The following KCNAB1 variants were observed in gnomAD, a reference collection of about 807,000 sequenced individuals.
KCNAB1 encodes the protein potassium voltage-gated channel subfamily A regulatory beta subunit 1, also known as voltage-gated potassium channel subunit beta-1.
Under a neutral mutation model 64.6 loss-of-function variants are expected in KCNAB1, and 35 were observed. The ratio of observed to expected loss-of-function variants is 0.54; its 90% CI spans 0.41 to 0.72. KCNAB1 has a LOEUF of 0.72. Among genes scored for constraint, KCNAB1 ranks in the 30% least tolerant of loss-of-function variants. The pLI is 0.00. For missense variants in KCNAB1, 401 were observed against 512.9 expected (o/e 0.78, Z 2.11); for synonymous variants, 177 against 183.8 (o/e 0.96, Z 0.30).
At chr3:156,524,516 G>C (rs1487932520) in intron 12 of KCNAB1, among the ~76,000 whole-genome samples, 1 of 152,156 alleles carries the variant, frequency 6.6e-6, no homozygotes, top group Non-Finnish European at 1.5e-5. Flanking sequence ...GGGAGGCCAA[G>C]GTGGGCGGAT....
intron 1 of KCNAB1, among the ~76,000 whole-genome samples, chr3:156,224,923 A>G (rs1716052959): frequency 6.6e-6 from 1 of 152,222 alleles, no homozygotes; most frequent in South Asian, 2.1e-4. Flanking sequence ...TTGAAATGGT[A>G]ATTTAACAAT....
At chr3:156,126,518 C>A (rs1030393425) in intron 1 of KCNAB1, among the ~76,000 whole-genome samples, 1 of 152,108 alleles carries the variant, frequency 6.6e-6, no homozygotes, top group African/African-American at 2.4e-5. Context: ...GGAGGGGGAG[C>A]CTCTTGGGTA....
intron 1 of KCNAB1, among the ~76,000 whole-genome samples, chr3:156,221,786 C>T (rs1035375335): frequency 6.8e-6 from 1 of 147,870 alleles, no homozygotes; most frequent in East Asian, 2.1e-4. Flanking sequence ...CCCCCCCCGC[C>T]AAAAAAAAAG....
At chr3:156,122,172 A>G (rs1339502731) in intron 1 of KCNAB1, among the ~76,000 whole-genome samples, 2 of 93,620 alleles carry the variant, frequency 2.1e-5, no homozygotes, top group African/African-American at 7.9e-5. Flanking sequence ...ACATGGGAGG[A>G]AGACCAAAGG....
intron 1 of KCNAB1, among the ~76,000 whole-genome samples, chr3:156,343,974 A>G (rs755765251): frequency 8.5e-5 from 13 of 152,106 alleles, no homozygotes; most frequent in African/African-American, 3.1e-4. Context: ...TTACTTTCCT[A>G]TTCAGTAATT....
chr3:156,268,495 A>G (rs1034540004), intron 1 of KCNAB1, among the ~76,000 whole-genome samples: 1 of 152,162 alleles, frequency 6.6e-6, no homozygotes, highest in African/African-American at 2.4e-5. Context: ...ACCAACAGTT[A>G]TAGGGGTTTC....
intron 1 of KCNAB1, among the ~76,000 whole-genome samples, chr3:156,159,761 A>G (rs1715965673): frequency 6.6e-6 from 1 of 152,220 alleles, no homozygotes; most frequent in African/African-American, 2.4e-5. Flanking sequence ...AGTCACATAG[A>G]TGGTTTGCTA....
chr3:156,275,495 G>T (rs1040657192), intron 1 of KCNAB1, among the ~76,000 whole-genome samples: 2 of 152,102 alleles, frequency 1.3e-5, no homozygotes, highest in Admixed American at 6.5e-5. Flanking sequence ...TCATGAAAGT[G>T]TTCTCTATAG....
chr3:156,225,249 G>A (rs1406473130), intron 1 of KCNAB1, among the ~76,000 whole-genome samples: 1 of 152,210 alleles, frequency 6.6e-6, no homozygotes, highest in Non-Finnish European at 1.5e-5. Flanking sequence ...AACCAGGGAT[G>A]CAGGGATGGT....
At chr3:156,251,114 T>A (rs541045298) in intron 1 of KCNAB1, among the ~76,000 whole-genome samples, 2 of 152,284 alleles carry the variant, frequency 1.3e-5, no homozygotes, top group South Asian at 4.1e-4. Context: ...AATAACTTAG[T>A]ATGTACCAAG....
intron 6 of KCNAB1, 74 bp downstream of exon 6, chr3:156,463,820 A>T: frequency 8.4e-7 from 1 of 1,187,772 alleles, no homozygotes; most frequent in Non-Finnish European, 1.2e-6. Context: ...GTTATTTTAC[A>T]TATAACGTAC....
chr3:156,465,434 T>A (rs1258123082), intron 6 of KCNAB1, among the ~76,000 whole-genome samples: 1 of 152,174 alleles, frequency 6.6e-6, no homozygotes, highest in African/African-American at 2.4e-5. Flanking sequence ...TGTTAGTGGC[T>A]TGGTGACAGT....
chr3:156,506,736 T>G (rs767519945), intron 8 of KCNAB1, among the ~76,000 whole-genome samples: 37 of 152,230 alleles, frequency 2.4e-4, no homozygotes, highest in Non-Finnish European at 3.7e-4. Flanking sequence ...AGAATCAGTT[T>G]GGCCAGTGCC....
At chr3:156,170,751 C>CCT (rs1424679680) in intron 1 of KCNAB1, among the ~76,000 whole-genome samples, 1 of 152,148 alleles carries the variant, frequency 6.6e-6, no homozygotes, top group Non-Finnish European at 1.5e-5. Flanking sequence ...ATGCACACCC[C>CCT]AAACATTGAG....
At chr3:156,317,838 G>C (rs1722379772) in intron 1 of KCNAB1, among the ~76,000 whole-genome samples, 1 of 152,136 alleles carries the variant, frequency 6.6e-6, no homozygotes, top group Non-Finnish European at 1.5e-5. Context: ...TTACTGGGAA[G>C]GAAAACAATG....
chr3:156,191,850 G>A (rs1403028490), intron 1 of KCNAB1, among the ~76,000 whole-genome samples: 1 of 152,118 alleles, frequency 6.6e-6, no homozygotes, highest in Non-Finnish European at 1.5e-5. Context: ...ACAATCCCAG[G>A]TGATGCCCAA....
chr3:156,309,595 G>A lies in KCNAB1; in HGVS notation c.276-112021G>A, dbSNP rs150260002. Among the ~76,000 whole-genome samples, 375 of 152,290 alleles carry A rather than the reference G, an allele frequency of 2.5e-3. 4 individuals carry two copies. The highest frequency in any genetic ancestry group is 8.5e-3 in the African/African-American group (354 of 41,554). On this transcript the variant is annotated intron_variant, in intron 1 of 13. Transcript: ENST00000490337. ...ACAAAATTTACCTGCTTAATGAGTC[G>A]AGAACAATGTTAGATAATGTAAAGT...
At chr3:156,305,213 G>A (rs1721414560) in intron 1 of KCNAB1, among the ~76,000 whole-genome samples, 1 of 151,894 alleles carries the variant, frequency 6.6e-6, no homozygotes, top group Admixed American at 6.6e-5. Context: ...GCATAGAATG[G>A]GACAAATAGA....
At chr3:156,281,609 T>C (rs1397914216) in intron 1 of KCNAB1, among the ~76,000 whole-genome samples, 1 of 152,230 alleles carries the variant, frequency 6.6e-6, no homozygotes, top group East Asian at 1.9e-4. Context: ...CTCTTTTTGA[T>C]TGGTAAGCTA....
Sources: allele counts gnomAD v4.1 joint callset (sites outside exome capture counted in the v4.1 genomes callset), GRCh38; gene constraint gnomAD v4.1.1; transcripts MANE v1.5; gene names NCBI Gene and HGNC (gene_info 2026-07-23, HGNC 2026-07-21).